The following NKAIN2 variants were observed in gnomAD, a reference collection of about 807,000 sequenced individuals.
NKAIN2 encodes sodium/potassium-transporting ATPase subunit beta-1-interacting protein 2.
A neutral mutation model predicts 32.6 loss-of-function variants in NKAIN2; 14 were observed. The ratio of observed to expected loss-of-function variants is 0.43; its 90% CI spans 0.28 to 0.67. The LOEUF is 0.67. Ranked by LOEUF, NKAIN2 falls within the 30% of genes least tolerant of loss-of-function variation. NKAIN2 has a pLI of 0.17. For synonymous variants in NKAIN2, 80 were observed against 87.2 expected (o/e 0.92, Z 0.46); for missense variants, 198 against 258.3 (o/e 0.77, Z 1.60).
intron 2 of NKAIN2, among the ~76,000 whole-genome samples, chr6:124,293,555 G>A (rs1795914180): frequency 6.6e-6 from 1 of 152,022 alleles, no homozygotes; most frequent in Non-Finnish European, 1.5e-5. Flanking sequence ...TTTCATGAAT[G>A]GTAGCTATCT....
intron 3 of NKAIN2, among the ~76,000 whole-genome samples, chr6:124,568,520 C>T (rs1417854034): frequency 6.6e-6 from 1 of 152,142 alleles, no homozygotes; most frequent in Non-Finnish European, 1.5e-5. Context: ...AGGTAAGTAA[C>T]TTCCCTGGGG....
chr6:124,328,763 A>G (rs1242873012), intron 2 of NKAIN2, among the ~76,000 whole-genome samples: 1 of 152,206 alleles, frequency 6.6e-6, no homozygotes, highest in Non-Finnish European at 1.5e-5. Context: ...CATTGGATGT[A>G]GGCTACCTAA....
chr6:124,366,584 G>T (rs771700144), intron 3 of NKAIN2, among the ~76,000 whole-genome samples: 3 of 151,956 alleles, frequency 2.0e-5, no homozygotes, highest in Non-Finnish European at 4.4e-5. Flanking sequence ...ATCTTTTGAG[G>T]CCAGTATAAC....
chr6:123,814,984 A>G (rs1773630786), intron 1 of NKAIN2, among the ~76,000 whole-genome samples: 1 of 152,226 alleles, frequency 6.6e-6, no homozygotes, highest in African/African-American at 2.4e-5. Flanking sequence ...TTAAGTAATT[A>G]CTAAATCAGC....
chr6:124,214,104 A>C (rs1177850306), intron 1 of NKAIN2, among the ~76,000 whole-genome samples: 1 of 152,214 alleles, frequency 6.6e-6, no homozygotes, highest in Non-Finnish European at 1.5e-5. Flanking sequence ...AAAACAATAA[A>C]TCAAGTTCTC....
At chr6:124,785,156 T>G (rs1202264903) in intron 4 of NKAIN2, among the ~76,000 whole-genome samples, 1 of 152,102 alleles carries the variant, frequency 6.6e-6, no homozygotes. Context: ...GTTTCTTAGT[T>G]TAGGTAATTT....
chr6:124,513,544 T>C (rs1438719239), intron 3 of NKAIN2, among the ~76,000 whole-genome samples: 1 of 152,136 alleles, frequency 6.6e-6, no homozygotes, highest in Non-Finnish European at 1.5e-5. Flanking sequence ...TCCAAGACCA[T>C]TCCAATGTAA....
At chr6:124,339,734 T>A (rs548966269) in intron 2 of NKAIN2, among the ~76,000 whole-genome samples, 1 of 152,316 alleles carries the variant, frequency 6.6e-6, no homozygotes, top group South Asian at 2.1e-4. Context: ...TTATTTATTT[T>A]TTGCTATAAT....
At chr6:124,135,903 G>A (rs955015151) in intron 1 of NKAIN2, among the ~76,000 whole-genome samples, 5 of 151,990 alleles carry the variant, frequency 3.3e-5, no homozygotes, top group African/African-American at 7.2e-5. Context: ...AAAGGCCATA[G>A]CATTAAATGC....
At chr6:124,074,246 C>G (rs536137154) in intron 1 of NKAIN2, among the ~76,000 whole-genome samples, 4 of 152,186 alleles carry the variant, frequency 2.6e-5, no homozygotes, top group African/African-American at 4.8e-5. Flanking sequence ...GCTGGTCACC[C>G]GACACCTTCT....
At chr6:124,654,388 A>T (rs1784466721) in intron 3 of NKAIN2, among the ~76,000 whole-genome samples, 1 of 152,184 alleles carries the variant, frequency 6.6e-6, no homozygotes, top group South Asian at 2.1e-4. Context: ...TCATCCAGAC[A>T]ATAGGTTCAA....
At chr6:124,766,685 T>C (rs772101455) in intron 4 of NKAIN2, among the ~76,000 whole-genome samples, 3 of 152,142 alleles carry the variant, frequency 2.0e-5, no homozygotes, top group African/African-American at 7.2e-5. Flanking sequence ...TCTGGCACGA[T>C]AGAATATTAG....
intron 1 of NKAIN2, among the ~76,000 whole-genome samples, chr6:124,053,880 A>G (rs1582544167): frequency 6.6e-6 from 1 of 152,176 alleles, no homozygotes; most frequent in East Asian, 1.9e-4. Flanking sequence ...TTACCCATAC[A>G]AATTTCAAGG....
chr6:124,746,663 TTTTCA>T (rs1391090565), intron 4 of NKAIN2, among the ~76,000 whole-genome samples: 1 of 151,884 alleles, frequency 6.6e-6, no homozygotes, highest in Non-Finnish European at 1.5e-5. Context: ...TTATGTATGA[TTTTCA>T]TTTATTTTAT....
intron 3 of NKAIN2, among the ~76,000 whole-genome samples, chr6:124,631,949 G>T (rs562890606): frequency 1.3e-5 from 2 of 152,224 alleles, no homozygotes; most frequent in Admixed American, 6.5e-5. Context: ...AAGTGTATGA[G>T]ATTTGGTATC....
intron 1 of NKAIN2, among the ~76,000 whole-genome samples, chr6:124,120,098 A>G (rs1033167910): frequency 6.6e-6 from 1 of 152,120 alleles, no homozygotes; most frequent in African/African-American, 2.4e-5. Flanking sequence ...TGGGCCTCTC[A>G]TTATCGTTTA....
chr6:124,270,002 G>A (rs1241626911), intron 1 of NKAIN2, among the ~76,000 whole-genome samples: 2 of 152,190 alleles, frequency 1.3e-5, no homozygotes, highest in South Asian at 2.1e-4. Flanking sequence ...TCTAGTCAGA[G>A]ACACTGTCCT....
Position 124,294,086 on chromosome 6 carries a change from C to T in NKAIN2, c.192+10944C>T, listed in dbSNP as rs144927802. ...TTAAAAAATGTTTATTTTAGCTCAA[C>T]GTACTAGAGGCTGGGAAGTCCATGA... is the stretch of plus-strand genomic sequence containing the variant. On this transcript the variant is annotated intron_variant, in intron 2 of 6. Coordinates refer to ENST00000368417, the MANE Select transcript of NKAIN2 (RefSeq NM_001040214.3). 1.9e-3 allele frequency among the ~76,000 whole-genome samples: 285 copies of T among 152,158 alleles called. 1 individual carries two copies. Among genetic ancestry groups the T allele is most frequent in the Admixed American group, 6.0e-3 (91 of 15,238 alleles).
chr6:124,139,018 A>T (rs1335520003), intron 1 of NKAIN2, among the ~76,000 whole-genome samples: 1 of 150,722 alleles, frequency 6.6e-6, no homozygotes, highest in Admixed American at 6.6e-5. Context: ...AGAAATCACC[A>T]CTAAAGAACT....
Sources: allele counts gnomAD v4.1 joint callset (sites outside exome capture counted in the v4.1 genomes callset), GRCh38; gene constraint gnomAD v4.1.1; transcripts MANE v1.5; gene names NCBI Gene and HGNC (gene_info 2026-07-23, HGNC 2026-07-21).